The following RB1CC1 variants were observed in gnomAD, a reference collection of about 807,000 sequenced individuals.
RB1CC1 encodes RB1-inducible coiled-coil protein 1.
A neutral mutation model predicts 177.5 loss-of-function variants in RB1CC1; 46 were observed. That is an observed-to-expected ratio of 0.26 (90% CI 0.20 to 0.33). The LOEUF (loss-of-function observed/expected upper bound fraction) is 0.33. Ranked by LOEUF, RB1CC1 falls within the 10% of genes least tolerant of loss-of-function variation. RB1CC1 has a pLI of 1.00. For missense variants in RB1CC1, 1,703 were observed against 1,816.3 expected (o/e 0.94, Z 1.13); for synonymous variants, 666 against 613.6 (o/e 1.09, Z -1.26).
At chr8:52,679,421 T>C (rs1009222482) in intron 5 of RB1CC1, among the ~76,000 whole-genome samples, 1 of 152,240 alleles carries the variant, frequency 6.6e-6, no homozygotes, top group East Asian at 1.9e-4. Context: ...TTACTGTTTA[T>C]TGTTTATGTA....
intron 23 of RB1CC1, 95 bp downstream of exon 23, chr8:52,624,622 G>A (rs1848252423): frequency 9.8e-7 from 1 of 1,016,506 alleles, no homozygotes; most frequent in East Asian, 2.7e-5. Context: ...TGAGCATAAA[G>A]GCCAAGAACA....
At chr8:52,654,276 T>G (rs1215325231) in intron 15 of RB1CC1, among the ~76,000 whole-genome samples, 1 of 152,234 alleles carries the variant, frequency 6.6e-6, no homozygotes, top group Non-Finnish European at 1.5e-5. Flanking sequence ...CCCTTGCTCC[T>G]CTTTTATGAT....
At chr8:52,665,498 T>C (rs1016241506) in intron 8 of RB1CC1, among the ~76,000 whole-genome samples, 2 of 152,214 alleles carry the variant, frequency 1.3e-5, no homozygotes, top group South Asian at 2.1e-4. Context: ...AATGGGTGTA[T>C]TGAGATACTC....
chr8:52,671,988 T>A (rs1480162277), intron 7 of RB1CC1, among the ~76,000 whole-genome samples: 1 of 152,254 alleles, frequency 6.6e-6, no homozygotes, highest in African/African-American at 2.4e-5. Context: ...TTTTGCTTTT[T>A]TAATATAATG....
At chr8:52,708,112 A>T (rs577170462) in intron 1 of RB1CC1, among the ~76,000 whole-genome samples, 3 of 152,338 alleles carry the variant, frequency 2.0e-5, no homozygotes, top group African/African-American at 7.2e-5. Context: ...TTATTTTTGT[A>T]GCAGTATCAT....
At chr8:52,638,169 T>C (rs942607197) in intron 18 of RB1CC1, among the ~76,000 whole-genome samples, 2 of 152,210 alleles carry the variant, frequency 1.3e-5, no homozygotes, top group Admixed American at 6.5e-5. Flanking sequence ...ATTCCTAGTT[T>C]GTTGAGTGTT....
In RB1CC1 at chr8:52,672,977, A is replaced by G. The variant is rs539614291; in HGVS notation, c.1002+868T>C. 6.6e-5 allele frequency among the ~76,000 whole-genome samples: 10 copies of G among 152,322 alleles called. No homozygotes were observed. The East Asian group carries it at 1.9e-3, about 29-fold the overall frequency. On this transcript the variant is annotated intron_variant, in intron 7 of 23. Transcript: ENST00000025008. ...TTAGCCTACAGAATGTCATCAAGAA[A>G]CTGGATACTGAAAGAATGACAAAAC...
chr8:52,704,405 CAA>C (rs1249699653), intron 1 of RB1CC1, among the ~76,000 whole-genome samples: 9 of 140,150 alleles, frequency 6.4e-5, no homozygotes, highest in Non-Finnish European at 1.2e-4. Context: ...GAGAGGTATG[CAA>C]AAGTTAGACT....
chr8:52,708,232 T>A (rs1349715369), intron 1 of RB1CC1, among the ~76,000 whole-genome samples: 1 of 152,186 alleles, frequency 6.6e-6, no homozygotes, highest in African/African-American at 2.4e-5. Context: ...AAAGTCAAAG[T>A]ATTGCCGGGC....
Position 52,644,610 on chromosome 8 carries a change from C to T in RB1CC1, c.3987+1092G>A, listed in dbSNP as rs1849848641. ...CCTCCTCCCTGAACACTTAACTTTC[C>T]TTGGCTTCCCTTAAGCCACACACTT... On this transcript the variant is annotated intron_variant, in intron 16 of 23. Transcript: ENST00000025008. Among the ~76,000 whole-genome samples the T allele has an allele frequency of 4.6e-5, 7 of 152,162 alleles. No homozygotes were observed. In the South Asian group the frequency reaches 1.4e-3, roughly 32 times the overall value.
chr8:52,633,857 G>C (rs561663433), intron 20 of RB1CC1, among the ~76,000 whole-genome samples: 2 of 152,200 alleles, frequency 1.3e-5, no homozygotes, highest in African/African-American at 2.4e-5. Flanking sequence ...GGGAGGCTGA[G>C]GCAGGCGGAT....
Position 52,668,197 on chromosome 8 carries a change from T to C in RB1CC1, c.1003-6A>G. On this transcript the variant is annotated splice_region_variant and splice_polypyrimidine_tract_variant and intron_variant, in intron 7 of 23. Coordinates refer to ENST00000025008, the MANE Select transcript of RB1CC1 (RefSeq NM_014781.5). ...CGAATAATCCTTGGATCAAGCTAAA[T>C]GACAAGGAAACACATACGAATACAA... is the stretch of plus-strand genomic sequence containing the variant. 2 of 1,612,474 alleles carry C rather than the reference T, an allele frequency of 1.2e-6. No individual in the cohort carries two copies. Among genetic ancestry groups the C allele is most frequent in the Middle Eastern group, 1.7e-4 (1 of 6,054 alleles).
At chr8:52,687,071 C>A in intron 1 of RB1CC1, 104 bp from the exon 2 acceptor site, 1 of 410,610 alleles carries the variant, frequency 2.4e-6, no homozygotes, top group Non-Finnish European at 4.8e-6. Flanking sequence ...TAAGAATAAT[C>A]TCTACTCAGG....
intron 16 of RB1CC1, among the ~76,000 whole-genome samples, chr8:52,644,258 T>C (rs1191617603): frequency 6.6e-6 from 1 of 152,102 alleles, no homozygotes; most frequent in African/African-American, 2.4e-5. Flanking sequence ...CAACTTAACA[T>C]ACACATCATG....
chr8:52,658,538 T>C (rs1209527687), intron 13 of RB1CC1, among the ~76,000 whole-genome samples: 6 of 137,688 alleles, frequency 4.4e-5, no homozygotes, highest in Admixed American at 7.9e-5. Flanking sequence ...TATCACACCA[T>C]TGCACTCCAG....
chr8:52,695,773 T>G (rs1032079402), intron 1 of RB1CC1, among the ~76,000 whole-genome samples: 1 of 152,232 alleles, frequency 6.6e-6, no homozygotes, highest in African/African-American at 2.4e-5. Flanking sequence ...TTCTGCTCTC[T>G]GCCATTGCCT....
At chr8:52,658,220 C>A in intron 13 of RB1CC1, 96 bp from the exon 14 acceptor site, 1 of 1,238,592 alleles carries the variant, frequency 8.1e-7, no homozygotes, top group East Asian at 2.5e-5. Flanking sequence ...ATAACAAGAG[C>A]CTTATCATTC....
chr8:52,692,230 A>C (rs1425353151), intron 1 of RB1CC1, among the ~76,000 whole-genome samples: 1 of 152,190 alleles, frequency 6.6e-6, no homozygotes, highest in Non-Finnish European at 1.5e-5. Context: ...ACAAAATAAT[A>C]AAACTGTCTG....
At chr8:52,681,153 G>A (rs775424965) in intron 5 of RB1CC1, among the ~76,000 whole-genome samples, 3 of 151,370 alleles carry the variant, frequency 2.0e-5, no homozygotes, top group East Asian at 1.9e-4. Flanking sequence ...CAGCATGCCC[G>A]GCTAATTTTT....
Sources: allele counts gnomAD v4.1 joint callset (sites outside exome capture counted in the v4.1 genomes callset), GRCh38; gene constraint gnomAD v4.1.1; transcripts MANE v1.5; gene names NCBI Gene and HGNC (gene_info 2026-07-23, HGNC 2026-07-21).